The following NEK7 variants were observed in gnomAD, a reference collection of about 807,000 sequenced individuals.
NEK7 encodes the protein NIMA related kinase 7.
In NEK7, 18 loss-of-function variants were observed where a neutral mutation model predicts 44.6. That is an observed-to-expected ratio of 0.40 (90% CI 0.28 to 0.60). The LOEUF (loss-of-function observed/expected upper bound fraction) is 0.60. Among genes scored for constraint, NEK7 ranks in the 20% least tolerant of loss-of-function variants. NEK7 has a pLI of 0.38. For missense variants in NEK7, 256 were observed against 366.5 expected, an observed-to-expected ratio of 0.70 and a Z score of 2.46; for synonymous variants, 130 against 121.1, an observed-to-expected ratio of 1.07 and a Z score of -0.48.
intron 2 of NEK7, among the ~76,000 whole-genome samples, chr1:198,237,017 C>T (rs1342679061): frequency 2.0e-5 from 3 of 152,176 alleles, no homozygotes; most frequent in African/African-American, 7.2e-5. Flanking sequence ...GTTACAGTTA[C>T]CTCTCCTGCT....
At chr1:198,227,760 G>C (rs1354178856) in intron 1 of NEK7, among the ~76,000 whole-genome samples, 1 of 152,090 alleles carries the variant, frequency 6.6e-6, no homozygotes, top group African/African-American at 2.4e-5. Flanking sequence ...TGTAGATTCT[G>C]GATATTAGCC....
chr1:198,312,272 A>T (rs1655211478), intron 9 of NEK7, among the ~76,000 whole-genome samples: 1 of 150,800 alleles, frequency 6.6e-6, no homozygotes, highest in African/African-American at 2.5e-5. Context: ...TTTCTGTGGG[A>T]TCGGTGGTGA....
intron 1 of NEK7, among the ~76,000 whole-genome samples, chr1:198,158,093 C>T (rs1663971016): frequency 6.6e-6 from 1 of 152,236 alleles, no homozygotes; most frequent in South Asian, 2.1e-4. Context: ...CTCCTAAAAC[C>T]GCAGCATCCT....
chr1:198,283,847 C>T (rs1654286902), intron 7 of NEK7, among the ~76,000 whole-genome samples: 1 of 151,996 alleles, frequency 6.6e-6, no homozygotes, highest in Admixed American at 6.6e-5. Flanking sequence ...GGTTACAGCC[C>T]ACTAAATTGA....
chr1:198,210,891 T>C (rs111367057), intron 1 of NEK7, among the ~76,000 whole-genome samples: 4,144 of 150,838 alleles, frequency 0.027, 177 homozygotes, highest in African/African-American at 0.094. Flanking sequence ...TAGCTGGGAC[T>C]ACAGGCGCCC....
Position 198,157,077 on chromosome 1 carries a change from C to G in NEK7, c.-228C>G, listed in dbSNP as rs567708360. On this transcript the variant is annotated 5_prime_UTR_variant, in exon 1 of 10. Transcript: ENST00000367385. ...GCCGCCGCTAGGCTCGCACTCCGGA[C>G]GCGCCTCGCAGTGCGCAGGGTGGGT... The G allele has an allele frequency of 6.6e-6, 1 of 152,058 alleles. No individual in the cohort carries two copies. Among genetic ancestry groups the G allele is most frequent in the South Asian group, 2.1e-4 (1 of 4,832 alleles). 9.4% of individuals were successfully genotyped at this position (152,058 alleles called of 1,614,324 possible).
chr1:198,180,598 A>G (rs757958070), intron 1 of NEK7, among the ~76,000 whole-genome samples: 2 of 151,946 alleles, frequency 1.3e-5, no homozygotes, highest in Non-Finnish European at 2.9e-5. Flanking sequence ...TGGGTACAAC[A>G]TTTTCTTGCT....
intron 1 of NEK7, among the ~76,000 whole-genome samples, chr1:198,211,688 T>C (rs532267324): frequency 6.6e-6 from 1 of 152,324 alleles, no homozygotes; most frequent in East Asian, 1.9e-4. Context: ...GTTAATAATA[T>C]AGTTCTAATG....
chr1:198,268,960 G>A (rs1185835640), intron 5 of NEK7, among the ~76,000 whole-genome samples: 3 of 151,908 alleles, frequency 2.0e-5, no homozygotes, highest in Non-Finnish European at 4.4e-5. Flanking sequence ...TCTTTACTTA[G>A]GTATCACTTC....
rs1002300826 is a variant in NEK7 at position 198,197,853 on chromosome 1, C to G, written c.-28-34700C>G. 2.2e-5 allele frequency: 20 copies of G among 911,070 alleles called. No individual in the cohort carries two copies. The East Asian group carries it at 4.9e-4, about 22-fold the overall frequency. 56.4% of individuals were successfully genotyped at this position (911,070 alleles called of 1,614,324 possible). On this transcript the variant is annotated intron_variant, in intron 1 of 9. Coordinates refer to ENST00000367385, the MANE Select transcript of NEK7 (RefSeq NM_133494.3). ...TGGTGCTTGTGCATCTTTTTGTGAG[C>G]TTTCTTCATTTTCATCTGCATCTTC... is the stretch of plus-strand genomic sequence containing the variant.
intron 1 of NEK7, among the ~76,000 whole-genome samples, chr1:198,223,059 C>T (rs533978294): frequency 1.3e-5 from 2 of 152,206 alleles, no homozygotes; most frequent in African/African-American, 4.8e-5. Context: ...GGAAGGCATT[C>T]ATTGAGAGAG....
At chr1:198,216,258 T>C (rs1341124052) in intron 1 of NEK7, among the ~76,000 whole-genome samples, 2 of 151,970 alleles carry the variant, frequency 1.3e-5, no homozygotes, top group South Asian at 2.1e-4. Flanking sequence ...AAAATAAAAC[T>C]AGAAATCAAT....
At chr1:198,179,639 A>G (rs1664700644) in intron 1 of NEK7, among the ~76,000 whole-genome samples, 2 of 152,104 alleles carry the variant, frequency 1.3e-5, no homozygotes, top group South Asian at 4.1e-4. Flanking sequence ...ATGTGGTTGG[A>G]TTTTGGGCTA....
intron 1 of NEK7, among the ~76,000 whole-genome samples, chr1:198,214,363 A>C (rs1190114713): frequency 6.6e-6 from 1 of 152,210 alleles, no homozygotes; most frequent in Non-Finnish European, 1.5e-5. Context: ...AAAGAATTCA[A>C]AAAGTTGATT....
intron 1 of NEK7, among the ~76,000 whole-genome samples, chr1:198,201,278 G>A (rs1432027678): frequency 6.6e-6 from 1 of 152,048 alleles, no homozygotes; most frequent in Non-Finnish European, 1.5e-5. Flanking sequence ...TTTTATTTTA[G>A]GATACACTGA....
At chr1:198,261,083 G>A (rs767358199) in intron 3 of NEK7, among the ~76,000 whole-genome samples, 8 of 151,928 alleles carry the variant, frequency 5.3e-5, no homozygotes, top group African/African-American at 9.7e-5. Context: ...TTATGCAGTA[G>A]ATATCTTTTG....
At chr1:198,260,879 G>A (rs1423178747) in intron 3 of NEK7, among the ~76,000 whole-genome samples, 4 of 151,850 alleles carry the variant, frequency 2.6e-5, no homozygotes, top group Non-Finnish European at 5.9e-5. Context: ...AAGGGACTGA[G>A]CCAAAGCTAA....
chr1:198,253,498 A>G (rs761131112), intron 3 of NEK7, among the ~76,000 whole-genome samples: 3 of 152,164 alleles, frequency 2.0e-5, no homozygotes, highest in Non-Finnish European at 4.4e-5. Context: ...ATACTCACTG[A>G]AGTTCTACAG....
At chr1:198,214,521 G>C (rs1482163219) in intron 1 of NEK7, among the ~76,000 whole-genome samples, 2 of 152,128 alleles carry the variant, frequency 1.3e-5, no homozygotes, top group African/African-American at 4.8e-5. Flanking sequence ...GACACATTTA[G>C]GGAACTACAA....
Sources: gnomAD v4.1 joint callset for allele counts (sites outside exome capture counted in the v4.1 genomes callset) on GRCh38, gnomAD v4.1.1 for gene constraint, MANE v1.5 for transcripts, NCBI Gene and HGNC (gene_info 2026-07-23, HGNC 2026-07-21) for gene names.